Variants in ZNF503 observed in about 807,000 individuals in gnomAD.
ZNF503 encodes the protein NocA-like zinc finger 2.
Under a neutral mutation model 34.4 loss-of-function variants are expected in ZNF503, and 15 were observed. That is an observed-to-expected ratio of 0.44 (90% CI 0.29 to 0.67). The LOEUF is 0.67. Among genes scored for constraint, ZNF503 ranks in the 30% least tolerant of loss-of-function variants. The pLI, the probability that ZNF503 is intolerant of heterozygous loss-of-function variation, is 0.13. For synonymous variants in ZNF503, 580 were observed against 456.8 expected, an observed-to-expected ratio of 1.27 and a Z score of -3.44; for missense variants, 1,007 against 926.8, an observed-to-expected ratio of 1.09 and a Z score of -1.12.
chr10:75,291,785 A>T, the ZNF503 span, among the ~76,000 whole-genome samples: 1 of 152,194 alleles, frequency 6.6e-6, no homozygotes, highest in South Asian at 2.1e-4. Flanking sequence ...CCAGAGGTCA[A>T]TTTTTGGCCC....
the ZNF503 span, among the ~76,000 whole-genome samples, chr10:75,282,696 G>A: frequency 6.6e-6 from 1 of 152,178 alleles, no homozygotes; most frequent in Non-Finnish European, 1.5e-5. Context: ...GACATAAGGG[G>A]CTCTCAAGAT....
chr10:75,362,156 C>T, the ZNF503 span, among the ~76,000 whole-genome samples: 1 of 152,138 alleles, frequency 6.6e-6, no homozygotes, highest in African/African-American at 2.4e-5. Context: ...AATAGCCCTG[C>T]GCCCTTCCAT....
the ZNF503 span, among the ~76,000 whole-genome samples, chr10:75,310,387 A>C: frequency 6.6e-6 from 1 of 152,192 alleles, no homozygotes; most frequent in South Asian, 2.1e-4. Context: ...GCGTAGACTA[A>C]AAACAAAACA....
At chr10:75,379,258 A>G in the ZNF503 span, among the ~76,000 whole-genome samples, 1 of 152,190 alleles carries the variant, frequency 6.6e-6, no homozygotes, top group Non-Finnish European at 1.5e-5. Context: ...CCCTATTACC[A>G]TACATCCTGG....
chr10:75,392,585 G>T, the ZNF503 span, among the ~76,000 whole-genome samples: 1 of 152,164 alleles, frequency 6.6e-6, no homozygotes, highest in African/African-American at 2.4e-5. Context: ...GGGCTGGGGG[G>T]CTAGCTGGCT....
In ZNF503 at chr10:75,399,556, G is replaced by A; in HGVS notation, c.1134C>T (p.Gly378=). 1 of 1,595,032 alleles carries A rather than the reference G, an allele frequency of 6.3e-7. No homozygotes were observed. The highest frequency in any genetic ancestry group is 1.8e-4 in the Middle Eastern group (1 of 5,524). Residue 378 remains glycine, a synonymous_variant, in exon 2 of 2, where the codon GGC becomes GGT. Transcript: ENST00000372524. The stretch of plus-strand genomic sequence containing the variant: ...CCGGCTTGGTGGGGTCAAGTGCCAC[G>A]CCGTGTGGCAGGAACTGGGGCGGGT... The part of the protein sequence containing the change: ...AGYPPQFLPH[G]VALDPTKPGS...
At chr10:75,334,765 T>G in the ZNF503 span, among the ~76,000 whole-genome samples, 1 of 152,236 alleles carries the variant, frequency 6.6e-6, no homozygotes, top group Non-Finnish European at 1.5e-5. Context: ...TTTTGTTTTC[T>G]CTAACCCTGA....
the ZNF503 span, among the ~76,000 whole-genome samples, chr10:75,347,278 A>G: frequency 6.6e-6 from 1 of 152,236 alleles, no homozygotes; most frequent in Non-Finnish European, 1.5e-5. Context: ...AGCAGATCAG[A>G]TCAAGTACAT....
the ZNF503 span, among the ~76,000 whole-genome samples, chr10:75,303,114 A>G: frequency 6.6e-6 from 1 of 152,158 alleles, no homozygotes; most frequent in Non-Finnish European, 1.5e-5. Context: ...TCTGTTACTT[A>G]CTAAACACCT....
the ZNF503 span, among the ~76,000 whole-genome samples, chr10:75,363,385 T>C: frequency 6.6e-6 from 1 of 152,116 alleles, no homozygotes; most frequent in Non-Finnish European, 1.5e-5. Context: ...TCCAGGAGCA[T>C]CCTTCTCAGA....
the ZNF503 span, among the ~76,000 whole-genome samples, chr10:75,388,218 C>T: frequency 2.6e-5 from 4 of 152,328 alleles, no homozygotes; most frequent in South Asian, 6.2e-4. Context: ...TGGACTAGAA[C>T]AGGTGGGGCC....
the ZNF503 span, among the ~76,000 whole-genome samples, chr10:75,333,582 G>A: frequency 0.016 from 876 of 55,388 alleles, no homozygotes; most frequent in South Asian, 0.024. Flanking sequence ...GGCCGGGCGG[G>A]GGGCTGACCC....
At chr10:75,334,780 C>T in the ZNF503 span, among the ~76,000 whole-genome samples, 1 of 152,208 alleles carries the variant, frequency 6.6e-6, no homozygotes, top group Non-Finnish European at 1.5e-5. Flanking sequence ...CCCTGAGTCC[C>T]AGGAGACTGC....
chr10:75,350,913 A>G, the ZNF503 span, among the ~76,000 whole-genome samples: 1 of 152,086 alleles, frequency 6.6e-6, no homozygotes, highest in African/African-American at 2.4e-5. Context: ...TTCACTCAGC[A>G]GTATGTCTTG....
At chr10:75,320,726 TG>T in the ZNF503 span, among the ~76,000 whole-genome samples, 3 of 152,086 alleles carry the variant, frequency 2.0e-5, no homozygotes, top group Non-Finnish European at 2.9e-5. Flanking sequence ...CAATCACATA[TG>T]TTTTTTTCCT....
chr10:75,364,938 A>T, the ZNF503 span, among the ~76,000 whole-genome samples: 1 of 152,182 alleles, frequency 6.6e-6, no homozygotes, highest in Non-Finnish European at 1.5e-5. Context: ...TTAATGGATG[A>T]TAGCACCATA....
chr10:75,401,861 CA>C, upstream of ZNF503: 1 of 188,614 alleles, frequency 5.3e-6, no homozygotes, highest in Non-Finnish European at 1.1e-5. Context: ...ATTGGAGGGT[CA>C]AGGGGATGTG....
chr10:75,322,945 TAA>T, the ZNF503 span, among the ~76,000 whole-genome samples: 1 of 152,352 alleles, frequency 6.6e-6, no homozygotes, highest in South Asian at 2.1e-4. Context: ...TTACATACAG[TAA>T]ATTTTATTCT....
the ZNF503 span, among the ~76,000 whole-genome samples, chr10:75,377,696 T>C: frequency 6.6e-6 from 1 of 152,202 alleles, no homozygotes. Flanking sequence ...AAAGAAACTG[T>C]AATCCCAGGG....
Sources: gnomAD v4.1 joint callset for allele counts (sites outside exome capture counted in the v4.1 genomes callset) on GRCh38, gnomAD v4.1.1 for gene constraint, MANE v1.5 for transcripts, NCBI Gene and HGNC (gene_info 2026-07-23, HGNC 2026-07-21) for gene names.